Variants in CNTNAP2 observed in about 807,000 individuals in gnomAD.
CNTNAP2 encodes the protein contactin associated protein 2.
A neutral mutation model predicts 155.2 loss-of-function variants in CNTNAP2; 98 were observed. The ratio of observed to expected loss-of-function variants is 0.63; its 90% CI spans 0.54 to 0.75. The LOEUF (loss-of-function observed/expected upper bound fraction) is 0.75, where lower values mean the gene tolerates loss of function less well. CNTNAP2 is among the 30% of genes least tolerant of loss of function. The pLI is 0.00. For synonymous variants in CNTNAP2, 651 were observed against 631.2 expected (o/e 1.03, Z -0.47); for missense variants, 1,727 against 1,688.1 (o/e 1.02, Z -0.40).
At chr7:147,690,555 C>T (rs1218770942) in intron 13 of CNTNAP2, among the ~76,000 whole-genome samples, 2 of 151,446 alleles carry the variant, frequency 1.3e-5, no homozygotes, top group Non-Finnish European at 2.9e-5. Context: ...AAAAAGGTAT[C>T]CACAAATAAT....
chr7:147,132,628 T>C (rs1299387025), intron 8 of CNTNAP2, 119 bp downstream of exon 8: 12 of 1,312,546 alleles, frequency 9.1e-6, no homozygotes, highest in African/African-American at 4.4e-5. Context: ...AATTCAGATC[T>C]TCAAGACGCT....
intron 15 of CNTNAP2, among the ~76,000 whole-genome samples, chr7:148,080,806 A>T (rs538349839): frequency 6.6e-6 from 1 of 152,276 alleles, no homozygotes; most frequent in African/African-American, 2.4e-5. Flanking sequence ...TGAGGAAACA[A>T]ATCTCAAATG....
chr7:146,608,994 A>T (rs1056971825), intron 1 of CNTNAP2, among the ~76,000 whole-genome samples: 1 of 152,188 alleles, frequency 6.6e-6, no homozygotes, highest in Admixed American at 6.5e-5. Flanking sequence ...AAATCCAGCC[A>T]TACTAAATAA....
chr7:146,612,258 C>T (rs1563156163), intron 1 of CNTNAP2, among the ~76,000 whole-genome samples: 1 of 152,114 alleles, frequency 6.6e-6, no homozygotes, highest in African/African-American at 2.4e-5. Flanking sequence ...AGCATACTCT[C>T]TCATACTCAC....
chr7:146,940,830 T>TATAG (rs1797040077), intron 3 of CNTNAP2, among the ~76,000 whole-genome samples: 1 of 151,412 alleles, frequency 6.6e-6, no homozygotes, highest in Admixed American at 6.6e-5. Context: ...TATATACATA[T>TATAG]AGAGAGAAAG....
intron 1 of CNTNAP2, among the ~76,000 whole-genome samples, chr7:146,713,276 A>G (rs141787512): frequency 2.6e-5 from 4 of 152,140 alleles, no homozygotes; most frequent in African/African-American, 9.7e-5. Context: ...GAAGAAATCT[A>G]TATGGAAGCC....
At chr7:146,319,425 T>C (rs777840121) in intron 1 of CNTNAP2, among the ~76,000 whole-genome samples, 11 of 152,220 alleles carry the variant, frequency 7.2e-5, no homozygotes, top group Non-Finnish European at 1.2e-4. Context: ...CTTGAATCTA[T>C]GTGTCTGGAT....
rs570647536 is a variant in CNTNAP2, at chr7:146,378,348, C to T, written c.97+261375C>T. Among the ~76,000 whole-genome samples the T allele has an allele frequency of 5.9e-5, 9 of 152,192 alleles. No individual in the cohort carries two copies. In the South Asian group the frequency reaches 1.9e-3, roughly 32 times the overall value. On this transcript the variant is annotated intron_variant, in intron 1 of 23. Transcript: ENST00000361727. ...TCCCAGGTTAATTCTAATGTGCCAG[C>T]AAAGTTAAGAACCACTGCCTTAGAT...
chr7:147,600,071 T>C (rs915813788), intron 12 of CNTNAP2, among the ~76,000 whole-genome samples: 2 of 152,206 alleles, frequency 1.3e-5, no homozygotes, highest in Non-Finnish European at 2.9e-5. Flanking sequence ...GGTTGTCAAG[T>C]ACTTTTATGC....
intron 9 of CNTNAP2, among the ~76,000 whole-genome samples, chr7:147,354,657 T>C (rs186502238): frequency 6.0e-4 from 92 of 152,254 alleles, no homozygotes; most frequent in African/African-American, 2.1e-3. Flanking sequence ...AAGTAGTTTT[T>C]TCTAATTCTG....
At chr7:147,358,537 G>A (rs951355773) in intron 9 of CNTNAP2, among the ~76,000 whole-genome samples, 4 of 151,878 alleles carry the variant, frequency 2.6e-5, no homozygotes, top group African/African-American at 4.8e-5. Flanking sequence ...ATGTTTGAAC[G>A]ATCTATAATT....
intron 8 of CNTNAP2, among the ~76,000 whole-genome samples, chr7:147,246,056 C>CACATATCTATGGCATATATATATAT (rs1804055173): frequency 7.5e-6 from 1 of 133,500 alleles, no homozygotes. Context: ...TATATATATA[C>CACATATCTATGGCATATATATATAT]ACATATATAT....
At chr7:147,307,864 G>A (rs543832814) in intron 9 of CNTNAP2, among the ~76,000 whole-genome samples, 1 of 152,228 alleles carries the variant, frequency 6.6e-6, no homozygotes, top group African/African-American at 2.4e-5. Flanking sequence ...GTAGAGCTTG[G>A]ATTAATAAAT....
chr7:146,705,075 A>T (rs1359432921), intron 1 of CNTNAP2, among the ~76,000 whole-genome samples: 1 of 152,128 alleles, frequency 6.6e-6, no homozygotes, highest in South Asian at 2.1e-4. Context: ...CTTGTCCCCT[A>T]GGTCATTTAA....
intron 20 of CNTNAP2, among the ~76,000 whole-genome samples, chr7:148,240,303 C>T (rs929433363): frequency 2.6e-5 from 4 of 152,078 alleles, no homozygotes; most frequent in Non-Finnish European, 4.4e-5. Flanking sequence ...AAAGATGTGT[C>T]CAGTCACTAG....
chr7:146,793,076 A>C (rs767569424), intron 2 of CNTNAP2, among the ~76,000 whole-genome samples: 2 of 152,218 alleles, frequency 1.3e-5, no homozygotes, highest in Non-Finnish European at 2.9e-5. Context: ...TGTAATCAAT[A>C]TAAAAATTAT....
In CNTNAP2 at chr7:148,317,433, A is replaced by T. The variant is rs551951668; in HGVS notation, c.3475+50307A>T. Among the ~76,000 whole-genome samples the T allele has an allele frequency of 2.0e-5, 3 of 152,310 alleles. No homozygotes were observed. In the South Asian group the frequency reaches 6.2e-4, roughly 32 times the overall value. On this transcript the variant is annotated intron_variant, in intron 21 of 23. Coordinates refer to ENST00000361727, the MANE Select transcript of CNTNAP2 (RefSeq NM_014141.6). ...AGAATCAGGCCAAGTGCTGAGGCTC[A>T]TGCCTGTAATCCTAATGCTTTGGAA...
At chr7:146,819,524 C>T (rs1471874668) in intron 2 of CNTNAP2, among the ~76,000 whole-genome samples, 2 of 152,044 alleles carry the variant, frequency 1.3e-5, no homozygotes, top group Non-Finnish European at 1.5e-5. Context: ...ATTGGCACGT[C>T]CCATCAAGTC....
chr7:147,858,803 G>A (rs1250258051), intron 13 of CNTNAP2, among the ~76,000 whole-genome samples: 1 of 152,194 alleles, frequency 6.6e-6, no homozygotes, highest in African/African-American at 2.4e-5. Flanking sequence ...GAACTAGTAA[G>A]ATGCATGGAA....
Sources: gnomAD v4.1 joint callset for allele counts (sites outside exome capture counted in the v4.1 genomes callset) on GRCh38, gnomAD v4.1.1 for gene constraint, MANE v1.5 for transcripts, NCBI Gene and HGNC (gene_info 2026-07-23, HGNC 2026-07-21) for gene names.